Variants in WASF2 observed in about 807,000 individuals in gnomAD.
WASF2 encodes WASP family member 2, also known as actin-binding protein WASF2.
In WASF2, 14 loss-of-function variants were observed where a neutral mutation model predicts 45.0. That is an observed-to-expected ratio of 0.31 (90% CI 0.21 to 0.49). The LOEUF is 0.49. WASF2 is among the 20% of genes least tolerant of loss of function. The pLI, the probability that WASF2 is intolerant of heterozygous loss-of-function variation, is 0.99. For missense variants in WASF2, 439 were observed against 636.1 expected (o/e 0.69, Z 3.33); for synonymous variants, 200 against 236.3 (o/e 0.85, Z 1.41).
At chr1:27,481,436 C>T (rs548345116) in intron 1 of WASF2, among the ~76,000 whole-genome samples, 3 of 152,332 alleles carry the variant, frequency 2.0e-5, no homozygotes, top group East Asian at 1.9e-4. Context: ...TGGTGGCTCA[C>T]GCCTGTAATC....
At chr1:27,417,123 T>C (rs2016837990) in intron 4 of WASF2, among the ~76,000 whole-genome samples, 1 of 152,226 alleles carries the variant, frequency 6.6e-6, no homozygotes, top group South Asian at 2.1e-4. Context: ...ATTCTGACAC[T>C]GTATGCTAAA....
At chr1:27,457,213 G>T (rs1295562604) in intron 1 of WASF2, 5 of 152,032 alleles carry the variant, frequency 3.3e-5, no homozygotes, top group Admixed American at 3.3e-4. Context: ...ATCTTGGTAA[G>T]TTATCTTTTC....
intron 1 of WASF2, among the ~76,000 whole-genome samples, chr1:27,467,302 T>C (rs1217430268): frequency 6.7e-6 from 1 of 148,822 alleles, no homozygotes; most frequent in Non-Finnish European, 1.5e-5. Flanking sequence ...ATAAAGTTTT[T>C]CGTTTGTTTG....
intron 1 of WASF2, among the ~76,000 whole-genome samples, chr1:27,430,013 GA>G (rs1285100099): frequency 6.6e-6 from 1 of 152,182 alleles, no homozygotes; most frequent in Non-Finnish European, 1.5e-5. Flanking sequence ...GAGACAGCAG[GA>G]AATGTCTGGA....
intron 1 of WASF2, among the ~76,000 whole-genome samples, chr1:27,461,432 C>A (rs2017542113): frequency 6.6e-6 from 1 of 151,056 alleles, no homozygotes; most frequent in Admixed American, 6.6e-5. Context: ...CTTGACCTCC[C>A]AGGCTCAGGC....
intron 4 of WASF2, 71 bp downstream of exon 4, chr1:27,418,198 G>T: frequency 6.6e-7 from 1 of 1,506,534 alleles, no homozygotes; most frequent in Non-Finnish European, 8.9e-7. Flanking sequence ...GGAAACAACC[G>T]CTTCAGACAA....
chr1:27,482,346 A>G (rs575923012), intron 1 of WASF2, among the ~76,000 whole-genome samples: 121 of 152,328 alleles, frequency 7.9e-4, no homozygotes, highest in African/African-American at 2.7e-3. Flanking sequence ...AAGCATGCCC[A>G]TTCTAAACAT....
chr1:27,434,257 G>T (rs778442648), intron 1 of WASF2, among the ~76,000 whole-genome samples: 15 of 152,242 alleles, frequency 9.9e-5, no homozygotes, highest in Non-Finnish European at 1.8e-4. Flanking sequence ...ATTTATGAAG[G>T]TGTTGGAAAG....
intron 1 of WASF2, among the ~76,000 whole-genome samples, chr1:27,479,894 C>T (rs2017822681): frequency 6.6e-6 from 1 of 152,076 alleles, no homozygotes; most frequent in African/African-American, 2.4e-5. Context: ...AAAGTAGCTA[C>T]TAACATATCT....
chr1:27,489,714 G>A (rs1188729472), intron 1 of WASF2, among the ~76,000 whole-genome samples: 1 of 152,216 alleles, frequency 6.6e-6, no homozygotes, highest in Non-Finnish European at 1.5e-5. Flanking sequence ...GCGAGCTGAT[G>A]GCAGAACCAG....
At chr1:27,452,509 A>AAAAT (rs765851678) in intron 1 of WASF2, among the ~76,000 whole-genome samples, 4 of 150,718 alleles carry the variant, frequency 2.7e-5, no homozygotes, top group African/African-American at 9.8e-5. Flanking sequence ...GAGACTGTCT[A>AAAAT]AAATAAATAA....
chr1:27,487,055 T>C (rs1159164129), intron 1 of WASF2, among the ~76,000 whole-genome samples: 1 of 147,336 alleles, frequency 6.8e-6, no homozygotes, highest in Non-Finnish European at 1.5e-5. Context: ...ATATATTATA[T>C]ATAACATATA....
chr1:27,420,966 G>A (rs2474290), intron 2 of WASF2, among the ~76,000 whole-genome samples: 115,812 of 152,084 alleles, frequency 0.76, 47,055 homozygotes, highest in Non-Finnish European at 0.9. Flanking sequence ...TATTTGAGGG[G>A]GAAAAAATAG....
At chr1:27,488,972 T>C (rs1169792435) in intron 1 of WASF2, among the ~76,000 whole-genome samples, 1 of 152,168 alleles carries the variant, frequency 6.6e-6, no homozygotes, top group South Asian at 2.1e-4. Flanking sequence ...GGTTGACACC[T>C]AGTAGGGCTG....
Position 27,408,326 on chromosome 1 carries a change from C to G in WASF2, c.1360G>C (p.Glu454Gln), listed in dbSNP as rs1293827171. 2 of 1,614,210 alleles carry G rather than the reference C, an allele frequency of 1.2e-6. No individual in the cohort carries two copies. The highest frequency in any genetic ancestry group is 4.5e-5 in the East Asian group (2 of 44,886). ...CGCTTCTCTTGTTCCCGCTGCTCCT[C>G]AACCCTGCGCAGCTGAAAACCTAGT... The part of the protein sequence containing the change: ...IRQGFQLRRV[E>Q]EQREQEKRDV... Residue 454 changes from glutamate (E) to glutamine (Q), a missense_variant, in exon 9 of 9, where the codon GAG becomes CAG. Transcript: ENST00000618852.
At chr1:27,467,034 G>T (rs2017622309) in intron 1 of WASF2, among the ~76,000 whole-genome samples, 1 of 151,028 alleles carries the variant, frequency 6.6e-6, no homozygotes, top group African/African-American at 2.4e-5. Flanking sequence ...GGGCAACATG[G>T]AGAAACCCCA....
intron 1 of WASF2, among the ~76,000 whole-genome samples, chr1:27,478,347 T>C (rs2017799915): frequency 6.6e-6 from 1 of 150,646 alleles, no homozygotes; most frequent in African/African-American, 2.4e-5. Flanking sequence ...GAAAGAACTC[T>C]AGATATGCAT....
At chr1:27,469,835 G>A (rs978478971) in intron 1 of WASF2, among the ~76,000 whole-genome samples, 15 of 152,028 alleles carry the variant, frequency 9.9e-5, no homozygotes, top group Non-Finnish European at 1.6e-4. Context: ...CCAGCTACTC[G>A]GGAGGCTGAG....
intron 2 of WASF2, among the ~76,000 whole-genome samples, chr1:27,425,891 T>TA (rs1157473742): frequency 2.4e-4 from 35 of 145,716 alleles, no homozygotes; most frequent in African/African-American, 8.5e-4. Context: ...CACATGCCTG[T>TA]AGTCCCAGCT....
Sources: gnomAD v4.1 joint callset for allele counts (sites outside exome capture counted in the v4.1 genomes callset) on GRCh38, gnomAD v4.1.1 for gene constraint, MANE v1.5 for transcripts, NCBI Gene and HGNC (gene_info 2026-07-23, HGNC 2026-07-21) for gene names.